MKLN1: variants seen among roughly 807,000 people sequenced by gnomAD.
MKLN1 encodes the protein muskelin.
MKLN1 carries 18 observed loss-of-function variants against 99.0 expected under a neutral mutation model. That is an observed-to-expected ratio of 0.18 (90% CI 0.13 to 0.27). The LOEUF (loss-of-function observed/expected upper bound fraction) is 0.27, where lower values mean the gene tolerates loss of function less well. Among genes scored for constraint, MKLN1 ranks in the 10% least tolerant of loss-of-function variants. MKLN1 has a pLI of 1.00. For missense variants in MKLN1, 621 were observed against 875.9 expected (o/e 0.71, Z 3.67); for synonymous variants, 288 against 293.2 (o/e 0.98, Z 0.18).
At chr7:131,160,490 T>TTAA (rs1174420712) in intron 2 of MKLN1, among the ~76,000 whole-genome samples, 15 of 114,756 alleles carry the variant, frequency 1.3e-4, no homozygotes, top group Admixed American at 6.7e-4. Flanking sequence ...ATTATTATTA[T>TTAA]TAATTATTAT....
intron 2 of MKLN1, among the ~76,000 whole-genome samples, chr7:131,182,739 C>A (rs1397370824): frequency 6.6e-6 from 1 of 152,106 alleles, no homozygotes; most frequent in Non-Finnish European, 1.5e-5. Flanking sequence ...TTTTAATGTT[C>A]TTTTTCTCTG....
At chr7:131,478,869 T>C (rs566469002) in intron 17 of MKLN1, 192 bp downstream of exon 17, 42 of 666,804 alleles carry the variant, frequency 6.3e-5, no homozygotes, top group East Asian at 1.6e-4. Context: ...TGCAGTTCAG[T>C]TTGCAATGAC....
chr7:131,161,740 AC>A (rs968545863), intron 2 of MKLN1, among the ~76,000 whole-genome samples: 69 of 151,392 alleles, frequency 4.6e-4, no homozygotes, highest in African/African-American at 1.6e-3. Flanking sequence ...TTTAGTAGGG[AC>A]GGGGTTTCAC....
chr7:131,116,736 T>C (rs1419754019), intron 1 of MKLN1, among the ~76,000 whole-genome samples: 2 of 151,946 alleles, frequency 1.3e-5, no homozygotes, highest in Non-Finnish European at 1.5e-5. Context: ...GACAAACAGA[T>C]TGTAGTCAAA....
At chr7:131,182,177 A>G (rs1796386663) in intron 2 of MKLN1, among the ~76,000 whole-genome samples, 1 of 152,198 alleles carries the variant, frequency 6.6e-6, no homozygotes, top group Non-Finnish European at 1.5e-5. Context: ...TAGAGTTAAT[A>G]GAGTTCAAAA....
rs1182639750 is a variant in MKLN1, at chr7:131,437,773, C to T, written c.961-12C>T. On this transcript the variant is annotated splice_polypyrimidine_tract_variant and intron_variant, in intron 9 of 17. Coordinates refer to ENST00000352689, the MANE Select transcript of MKLN1 (RefSeq NM_013255.5). ...ATTTGTTTATTTATTTATTTTCTCT[C>T]TCTCTCTACAGAATGGTCCTAGTGC... 5.1e-6 allele frequency: 8 copies of T among 1,573,100 alleles called. No individual in the cohort carries two copies. Among genetic ancestry groups the T allele is most frequent in the Non-Finnish European group, 7.0e-6 (8 of 1,146,334 alleles).
intron 6 of MKLN1, among the ~76,000 whole-genome samples, chr7:131,399,904 G>C (rs900506206): frequency 3.3e-5 from 5 of 152,148 alleles, no homozygotes; most frequent in Admixed American, 6.5e-5. Context: ...TGTGTGACCT[G>C]TAGTCTGGCT....
Position 131,412,985 on chromosome 7 carries a change from A to G in MKLN1, c.781+1602A>G, listed in dbSNP as rs73153493. On this transcript the variant is annotated intron_variant, in intron 7 of 17. Transcript: ENST00000352689. ...AATTTTCTTCAAAGACACACATATT[A>G]TAGCAAACAGACAGTAATTGTGTAT... Among the ~76,000 whole-genome samples, 727 of 152,350 alleles carry G rather than the reference A, an allele frequency of 4.8e-3. 5 individuals are homozygous for G. The highest frequency in any genetic ancestry group is 0.044 in the Middle Eastern group (13 of 294).
chr7:131,143,385 G>T (rs1448395584), intron 2 of MKLN1, among the ~76,000 whole-genome samples: 1 of 152,116 alleles, frequency 6.6e-6, no homozygotes, highest in East Asian at 1.9e-4. Flanking sequence ...AGAATCGCTT[G>T]AACCCAGGAG....
chr7:131,460,932 A>G (rs1796496992), intron 12 of MKLN1, among the ~76,000 whole-genome samples: 2 of 152,222 alleles, frequency 1.3e-5, no homozygotes, highest in South Asian at 2.1e-4. Context: ...TTTATCTTCC[A>G]AAGTTATCTG....
chr7:131,161,162 T>C (rs1442489583), intron 2 of MKLN1, among the ~76,000 whole-genome samples: 1 of 152,208 alleles, frequency 6.6e-6, no homozygotes, highest in Non-Finnish European at 1.5e-5. Context: ...CAGGTACTTC[T>C]AAGAGCAGGA....
At chr7:131,382,978 C>T (rs1386431183) in intron 2 of MKLN1, among the ~76,000 whole-genome samples, 2 of 152,172 alleles carry the variant, frequency 1.3e-5, no homozygotes, top group African/African-American at 4.8e-5. Context: ...CCTCCTTGGC[C>T]TCCCAAAGTT....
intron 2 of MKLN1, among the ~76,000 whole-genome samples, chr7:131,182,037 A>G (rs1350922368): frequency 6.6e-6 from 1 of 152,108 alleles, no homozygotes; most frequent in African/African-American, 2.4e-5. Flanking sequence ...GGGAAGCTGA[A>G]GAAGGAGAAT....
chr7:131,164,353 A>G (rs549494016), intron 2 of MKLN1, among the ~76,000 whole-genome samples: 4 of 152,242 alleles, frequency 2.6e-5, no homozygotes, highest in African/African-American at 9.6e-5. Flanking sequence ...GATCTCAAGC[A>G]ATCTGCCTGC....
At chr7:131,403,540 AGCCTATCTTG>A (rs1466339884) in intron 6 of MKLN1, among the ~76,000 whole-genome samples, 2 of 152,156 alleles carry the variant, frequency 1.3e-5, no homozygotes, top group African/African-American at 4.8e-5. Flanking sequence ...GTCAACTTTC[AGCCTATCTTG>A]GCCTTTGACA....
intron 3 of MKLN1, among the ~76,000 whole-genome samples, chr7:131,304,595 C>T (rs1798427875): frequency 6.6e-6 from 1 of 152,150 alleles, no homozygotes; most frequent in Non-Finnish European, 1.5e-5. Flanking sequence ...GCATTGAATT[C>T]TGTGTTGTGC....
chr7:131,403,737 G>T (rs1794619838), intron 6 of MKLN1, among the ~76,000 whole-genome samples: 1 of 152,118 alleles, frequency 6.6e-6, no homozygotes, highest in African/African-American at 2.4e-5. Flanking sequence ...CTGGTTTATG[G>T]AGAAGTCAGA....
At chr7:131,204,107 A>G (rs1174367640) in intron 3 of MKLN1, among the ~76,000 whole-genome samples, 1 of 152,194 alleles carries the variant, frequency 6.6e-6, no homozygotes, top group Non-Finnish European at 1.5e-5. Context: ...CTCTGTATAC[A>G]ATCTCTTCCC....
chr7:131,360,040 C>T (rs1053286198), intron 1 of MKLN1, among the ~76,000 whole-genome samples: 1 of 152,166 alleles, frequency 6.6e-6, no homozygotes, highest in Non-Finnish European at 1.5e-5. Flanking sequence ...TGAGCCACTG[C>T]TTCTGGCCAA....
Sources: gnomAD v4.1 joint callset for allele counts (sites outside exome capture counted in the v4.1 genomes callset) on GRCh38, gnomAD v4.1.1 for gene constraint, MANE v1.5 for transcripts, NCBI Gene and HGNC (gene_info 2026-07-23, HGNC 2026-07-21) for gene names.